Variants in ROBO2 observed in about 807,000 individuals in gnomAD.
ROBO2 encodes the protein roundabout guidance receptor 2, also known as roundabout homolog 2.
ROBO2 carries 53 observed loss-of-function variants against 160.8 expected under a neutral mutation model. That is an observed-to-expected ratio of 0.33 (90% CI 0.26 to 0.41). The LOEUF (loss-of-function observed/expected upper bound fraction) is 0.41. Among genes scored for constraint, ROBO2 ranks in the 10% least tolerant of loss-of-function variants. The pLI is 1.00. For missense variants in ROBO2, 1,577 were observed against 1,722.4 expected, an observed-to-expected ratio of 0.92 and a Z score of 1.49; for synonymous variants, 664 against 611.7, an observed-to-expected ratio of 1.09 and a Z score of -1.26.
intron 2 of ROBO2, among the ~76,000 whole-genome samples, chr3:76,269,737 G>A (rs1328689130): frequency 6.6e-6 from 1 of 151,926 alleles, no homozygotes; most frequent in African/African-American, 2.4e-5. Context: ...TTATGAAATA[G>A]TAAGACCTAT....
chr3:76,501,532 A>G (rs1031637073), intron 2 of ROBO2, among the ~76,000 whole-genome samples: 1 of 152,214 alleles, frequency 6.6e-6, no homozygotes, highest in African/African-American at 2.4e-5. Context: ...TGTGCCAGGT[A>G]TGTGGAGTAG....
At chr3:76,580,342 G>GTTTTTTTTTTGTTTTTTTTTTTTTTT (rs2085604163) in intron 2 of ROBO2, among the ~76,000 whole-genome samples, 2 of 90,564 alleles carry the variant, frequency 2.2e-5, no homozygotes, top group African/African-American at 4.4e-5. Context: ...TTTTTTTTGT[G>GTTTTTTTTTTGTTTTTTTTTTTTTTT]TTTTTTTTTT....
At chr3:76,150,971 TAC>T (rs978515016) in intron 2 of ROBO2, among the ~76,000 whole-genome samples, 64 of 152,230 alleles carry the variant, frequency 4.2e-4, no homozygotes, top group South Asian at 1.2e-3. Context: ...ATACACCATT[TAC>T]TCAACATTTA....
chr3:76,599,773 T>C (rs1264554399), intron 2 of ROBO2, among the ~76,000 whole-genome samples: 1 of 152,182 alleles, frequency 6.6e-6, no homozygotes, highest in Non-Finnish European at 1.5e-5. Flanking sequence ...CTCATTGTGG[T>C]TTTGATTTGT....
chr3:76,470,017 C>T (rs2078572970), intron 2 of ROBO2, among the ~76,000 whole-genome samples: 1 of 152,068 alleles, frequency 6.6e-6, no homozygotes, highest in South Asian at 2.1e-4. Flanking sequence ...CTTACCATTC[C>T]CTCTACACAC....
At chr3:77,186,349 C>T (rs547417941) in intron 2 of ROBO2, among the ~76,000 whole-genome samples, 15 of 151,908 alleles carry the variant, frequency 9.9e-5, no homozygotes, top group African/African-American at 3.6e-4. Context: ...AGATTAATAA[C>T]TTTAGATTCT....
chr3:77,030,015 C>G (rs914494932), intron 2 of ROBO2, among the ~76,000 whole-genome samples: 2 of 151,682 alleles, frequency 1.3e-5, no homozygotes, highest in South Asian at 2.1e-4. Flanking sequence ...GTGCGATCTC[C>G]GCTCACTGCA....
chr3:77,215,020 C>T (rs1378530492), intron 2 of ROBO2, among the ~76,000 whole-genome samples: 1 of 152,104 alleles, frequency 6.6e-6, no homozygotes, highest in Non-Finnish European at 1.5e-5. Flanking sequence ...ACATTTTTTC[C>T]TTCATTTCAA....
intron 2 of ROBO2, among the ~76,000 whole-genome samples, chr3:76,086,017 G>A (rs531646763): frequency 1.2e-3 from 182 of 152,256 alleles, no homozygotes; most frequent in African/African-American, 2.6e-3. Flanking sequence ...ACCGTTTGGG[G>A]TATTGTCAAA....
chr3:76,433,990 G>A, intron 2 of ROBO2: 1 of 862,074 alleles, frequency 1.2e-6, no homozygotes, highest in East Asian at 2.4e-5. Flanking sequence ...CAGTCCAGAG[G>A]TGAGTCAGAA....
chr3:76,439,250 AAC>A, intron 2 of ROBO2, among the ~76,000 whole-genome samples: 1 of 151,736 alleles, frequency 6.6e-6, no homozygotes, highest in East Asian at 1.9e-4. Flanking sequence ...TGGAGTTTAG[AAC>A]TAGTGGGAAA....
At chr3:77,466,371 C>T (rs1332412061) in intron 2 of ROBO2, among the ~76,000 whole-genome samples, 2 of 152,032 alleles carry the variant, frequency 1.3e-5, no homozygotes, top group South Asian at 2.1e-4. Flanking sequence ...ATTCAAAATT[C>T]GAATATAATC....
At chr3:77,450,630 A>T (rs956333371) in intron 2 of ROBO2, among the ~76,000 whole-genome samples, 8 of 152,082 alleles carry the variant, frequency 5.3e-5, no homozygotes, top group Non-Finnish European at 1.2e-4. Context: ...TTTAAATATT[A>T]TTTGTGGATA....
chr3:76,603,350 AAATATATATATATATATATAT>A (rs1278569876), intron 2 of ROBO2, among the ~76,000 whole-genome samples: 4 of 63,242 alleles, frequency 6.3e-5, no homozygotes, highest in African/African-American at 2.9e-4. Context: ...AAAAAAAAAA[AAATATATATATATATATATAT>A]ATATATATAT....
intron 2 of ROBO2, chr3:76,434,097 T>C: frequency 7.9e-7 from 1 of 1,272,064 alleles, no homozygotes; most frequent in East Asian, 2.3e-5. Context: ...ACCTCTGACA[T>C]GCACCGTGGG....
chr3:77,295,056 G>T (rs867368910), intron 2 of ROBO2, among the ~76,000 whole-genome samples: 10 of 151,234 alleles, frequency 6.6e-5, no homozygotes, highest in South Asian at 4.1e-4. Flanking sequence ...TGCTTAAACG[G>T]GTAAACTGAG....
chr3:75,910,289 A>G (rs1227198223), intron 1 of ROBO2, among the ~76,000 whole-genome samples: 1 of 152,194 alleles, frequency 6.6e-6, no homozygotes, highest in Non-Finnish European at 1.5e-5. Context: ...GCTTGGTGAC[A>G]ACTCTTGCTA....
At chr3:77,020,342 C>G (rs2062552237) in intron 2 of ROBO2, among the ~76,000 whole-genome samples, 1 of 152,104 alleles carries the variant, frequency 6.6e-6, no homozygotes, top group Non-Finnish European at 1.5e-5. Context: ...AATAGAAGTC[C>G]TTATTCACAG....
chr3:77,515,476 C>T (rs144882566), intron 5 of ROBO2, among the ~76,000 whole-genome samples: 63 of 151,832 alleles, frequency 4.1e-4, no homozygotes, highest in Admixed American at 2.6e-3. Context: ...TAGGCCAACA[C>T]GCACACACAC....
Sources: allele counts gnomAD v4.1 joint callset (sites outside exome capture counted in the v4.1 genomes callset), GRCh38; gene constraint gnomAD v4.1.1; transcripts MANE v1.5; gene names NCBI Gene and HGNC (gene_info 2026-07-23, HGNC 2026-07-21).